Variants in TRIP4 observed in about 807,000 individuals in gnomAD.
TRIP4 encodes the protein thyroid hormone receptor interactor 4, also known as activating signal cointegrator 1.
TRIP4 carries 54 observed loss-of-function variants against 81.8 expected under a neutral mutation model. The ratio of observed to expected loss-of-function variants is 0.66; its 90% CI spans 0.53 to 0.83. The LOEUF is 0.83. Among genes scored for constraint, TRIP4 ranks in the 40% least tolerant of loss-of-function variants. TRIP4 has a pLI of 0.00. For missense variants in TRIP4, 662 were observed against 683.6 expected, an observed-to-expected ratio of 0.97 and a Z score of 0.35; for synonymous variants, 270 against 242.8, an observed-to-expected ratio of 1.11 and a Z score of -1.04.
At chr15:64,423,575 G>A (rs1892067473) in intron 9 of TRIP4, among the ~76,000 whole-genome samples, 1 of 151,936 alleles carries the variant, frequency 6.6e-6, no homozygotes, top group Admixed American at 6.6e-5. Context: ...TAACATTCTT[G>A]GGAGTTGTGT....
intron 1 of TRIP4, 115 bp downstream of exon 1, chr15:64,388,079 A>G (rs1429186072): frequency 1.8e-5 from 25 of 1,375,190 alleles, no homozygotes; most frequent in Non-Finnish European, 2.3e-5. Flanking sequence ...AAGGGGCTGC[A>G]GTCTGTAGTC....
intron 11 of TRIP4, among the ~76,000 whole-genome samples, chr15:64,437,552 G>T (rs1892429485): frequency 6.6e-6 from 1 of 151,410 alleles, no homozygotes; most frequent in African/African-American, 2.4e-5. Flanking sequence ...GGGTGCACTG[G>T]TGCGATCTCG....
chr15:64,391,970 CAAAAAAAAAAAAAAA>C (rs35193532), intron 1 of TRIP4, among the ~76,000 whole-genome samples: 6 of 23,244 alleles, frequency 2.6e-4, no homozygotes, highest in Non-Finnish European at 7.7e-5. Flanking sequence ...GACTCTGTCT[CAAAAAAAAAAAAAAA>C]AAAAAAAAAG....
chr15:64,407,685 A>G (rs1458472678), intron 6 of TRIP4, among the ~76,000 whole-genome samples: 2 of 151,936 alleles, frequency 1.3e-5, no homozygotes, highest in East Asian at 3.9e-4. Flanking sequence ...AATAATAATA[A>G]TAGAAATAGA....
chr15:64,418,951 A>G (rs1466293967), intron 9 of TRIP4, among the ~76,000 whole-genome samples: 3 of 152,182 alleles, frequency 2.0e-5, no homozygotes, highest in East Asian at 3.8e-4. Flanking sequence ...TAGTTTTTGT[A>G]CTGAATAGCT....
At position 64,439,512 on chromosome 15, in the gene TRIP4, C is replaced by CT. The variant is rs71895300; in HGVS notation, c.1576-5466dup. Among the ~76,000 whole-genome samples the CT allele has an allele frequency of 5.4e-4, 26 of 47,928 alleles. 4 individuals carry two copies. Among genetic ancestry groups the CT allele is most frequent in the East Asian group, 3.3e-3 (4 of 1,214 alleles). 31.4% of individuals were successfully genotyped at this position (47,928 alleles called of 152,430 possible). On this transcript the variant is annotated intron_variant, in intron 11 of 12. Transcript: ENST00000261884. Reference sequence around the variant, plus strand: ...GTTCTTCAAATAACAACTTATAAATCTTTTTTTTTTTTTTTTTTTTTTTTT... The same window carrying CT: ...GTTCTTCAAATAACAACTTATAAATCTTTTTTTTTTTTTTTTTTTTTTTTTT...
intron 5 of TRIP4, among the ~76,000 whole-genome samples, chr15:64,404,557 C>T (rs1891582016): frequency 6.6e-6 from 1 of 152,064 alleles, no homozygotes; most frequent in Admixed American, 6.6e-5. Context: ...GTGATCCACC[C>T]ACCTTGGCCT....
At chr15:64,424,250 T>G (rs1438341182) in intron 10 of TRIP4, 95 bp downstream of exon 10, 7 of 1,543,524 alleles carry the variant, frequency 4.5e-6, no homozygotes, top group Non-Finnish European at 6.2e-6. Context: ...GGCTTTTTCT[T>G]TGTTAAAAGA....
intron 9 of TRIP4, among the ~76,000 whole-genome samples, chr15:64,420,952 C>T (rs572213767): frequency 3.9e-5 from 6 of 152,124 alleles, no homozygotes; most frequent in East Asian, 3.9e-4. Flanking sequence ...ATGAAATACA[C>T]GCATGTGCTG....
intron 1 of TRIP4, among the ~76,000 whole-genome samples, chr15:64,388,917 T>C (rs2140541951): frequency 6.6e-6 from 1 of 152,314 alleles, no homozygotes; most frequent in South Asian, 2.1e-4. Flanking sequence ...TTCAACTGAT[T>C]GAAGAACATT....
chr15:64,417,119 C>A (rs1891905681), intron 8 of TRIP4, among the ~76,000 whole-genome samples: 1 of 152,122 alleles, frequency 6.6e-6, no homozygotes, highest in African/African-American at 2.4e-5. Flanking sequence ...GAGATCCTCC[C>A]ATCTCAGCTT....
intron 9 of TRIP4, among the ~76,000 whole-genome samples, chr15:64,423,261 G>T (rs1892058802): frequency 6.6e-6 from 1 of 152,052 alleles, no homozygotes; most frequent in Non-Finnish European, 1.5e-5. Context: ...AAGGTCAAGA[G>T]ATCGAGACCA....
chr15:64,438,923 T>C (rs1892458695), intron 11 of TRIP4, among the ~76,000 whole-genome samples: 1 of 152,214 alleles, frequency 6.6e-6, no homozygotes, highest in Admixed American at 6.5e-5. Flanking sequence ...GTCTTATCAC[T>C]TATTTCTTTC....
chr15:64,390,117 A>G (rs1341221911), intron 1 of TRIP4, among the ~76,000 whole-genome samples: 2 of 147,158 alleles, frequency 1.4e-5, no homozygotes, highest in East Asian at 3.9e-4. Flanking sequence ...ATCAAATATT[A>G]TATTAAATAT....
At chr15:64,430,986 TA>T (rs953434271) in intron 11 of TRIP4, among the ~76,000 whole-genome samples, 19 of 148,472 alleles carry the variant, frequency 1.3e-4, no homozygotes, top group Admixed American at 4.0e-4. Flanking sequence ...TTTAAAACTT[TA>T]AAAAAAAAAG....
intron 9 of TRIP4, among the ~76,000 whole-genome samples, chr15:64,420,384 G>A (rs552060681): frequency 6.6e-6 from 1 of 151,964 alleles, no homozygotes; most frequent in Admixed American, 6.5e-5. Context: ...GCCTCCCAAA[G>A]TGCTGGGATT....
chr15:64,421,015 AGATTAGAATACC>A (rs1206029692), intron 9 of TRIP4, among the ~76,000 whole-genome samples: 6 of 151,816 alleles, frequency 4.0e-5, no homozygotes, highest in Admixed American at 6.6e-5. Context: ...TGGTCCCATA[AGATTAGAATACC>A]GGCCGGTCAC....
chr15:64,408,548 CT>C (rs945814596), intron 6 of TRIP4, among the ~76,000 whole-genome samples: 2 of 151,882 alleles, frequency 1.3e-5, no homozygotes, highest in African/African-American at 4.8e-5. Context: ...TGTTGAGCCA[CT>C]GTGCCCGGCT....
chr15:64,439,712 C>T (rs980497112), intron 11 of TRIP4, among the ~76,000 whole-genome samples: 11 of 151,326 alleles, frequency 7.3e-5, no homozygotes, highest in Admixed American at 3.3e-4. Flanking sequence ...TTAGTAGAAA[C>T]GGGGTTTCAC....
Sources: gnomAD v4.1 joint callset for allele counts (sites outside exome capture counted in the v4.1 genomes callset) on GRCh38, gnomAD v4.1.1 for gene constraint, MANE v1.5 for transcripts, NCBI Gene and HGNC (gene_info 2026-07-23, HGNC 2026-07-21) for gene names.